The following ITGA9 variants were observed in gnomAD, a reference collection of about 807,000 sequenced individuals.
ITGA9 encodes the protein integrin subunit alpha 9.
In ITGA9, 56 loss-of-function variants were observed where a neutral mutation model predicts 127.8. The ratio of observed to expected loss-of-function variants is 0.44; its 90% CI spans 0.35 to 0.55. The LOEUF is 0.55. ITGA9 is among the 20% of genes least tolerant of loss of function. The probability of loss-of-function intolerance (pLI) is 0.00; values close to 1 mark genes in which losing one functional copy is unlikely to be tolerated. For synonymous variants in ITGA9, 508 were observed against 514.5 expected, an observed-to-expected ratio of 0.99 and a Z score of 0.17; for missense variants, 1,196 against 1,347.1, an observed-to-expected ratio of 0.89 and a Z score of 1.76.
intron 15 of ITGA9, among the ~76,000 whole-genome samples, chr3:37,604,160 G>C (rs1699946681): frequency 6.6e-6 from 1 of 152,202 alleles, no homozygotes; most frequent in South Asian, 2.1e-4. Context: ...GGCAGAGACA[G>C]GGAGAAGCTT....
chr3:37,462,950 C>T (rs144588580), intron 1 of ITGA9, among the ~76,000 whole-genome samples: 1 of 152,312 alleles, frequency 6.6e-6, no homozygotes, highest in East Asian at 1.9e-4. Context: ...ATAGCTGTAG[C>T]TGGCACACTC....
intron 1 of ITGA9, 117 bp from the exon 2 acceptor site, chr3:37,470,890 T>A: frequency 1.0e-6 from 1 of 995,552 alleles, no homozygotes; most frequent in East Asian, 2.5e-5. Flanking sequence ...AGTATAATAA[T>A]ATGATTTTCA....
chr3:37,577,434 TCCAAGC>T lies in ITGA9; in HGVS notation c.1689+34854_1689+34859del, dbSNP rs560340295. Among the ~76,000 whole-genome samples the T allele has an allele frequency of 3.6e-3, 554 of 152,366 alleles. 2 individuals carry two copies. The highest frequency in any genetic ancestry group is 0.013 in the African/African-American group (530 of 41,588). ...CTTCATAGCTGACATCAAATGGATC[TCCAAGC>T]CCAAACACTAACAGTGGAACCAGCT... On this transcript the variant is annotated intron_variant, in intron 15 of 27. Transcript: ENST00000264741.
intron 15 of ITGA9, among the ~76,000 whole-genome samples, chr3:37,619,372 G>A (rs568866345): frequency 2.9e-4 from 44 of 152,270 alleles, no homozygotes; most frequent in African/African-American, 9.9e-4. Context: ...ATCTGAGATG[G>A]GGATTTTTGC....
At chr3:37,538,054 T>C (rs1440412959) in intron 14 of ITGA9, among the ~76,000 whole-genome samples, 1 of 152,024 alleles carries the variant, frequency 6.6e-6, no homozygotes, top group Non-Finnish European at 1.5e-5. Flanking sequence ...TGCTTGTCAA[T>C]CTCTGGAGGC....
intron 27 of ITGA9, among the ~76,000 whole-genome samples, chr3:37,812,443 G>T: frequency 6.6e-6 from 1 of 152,206 alleles, no homozygotes; most frequent in African/African-American, 2.4e-5. Flanking sequence ...CCCTGCAGGG[G>T]GCTGGGGAGG....
chr3:37,797,573 A>G (rs1697188637), intron 26 of ITGA9, among the ~76,000 whole-genome samples: 1 of 152,202 alleles, frequency 6.6e-6, no homozygotes, highest in Non-Finnish European at 1.5e-5. Context: ...AAATGGTTTT[A>G]CTTGCCTTTA....
chr3:37,789,087 C>T (rs953162197), intron 26 of ITGA9, among the ~76,000 whole-genome samples: 4 of 152,104 alleles, frequency 2.6e-5, no homozygotes, highest in Admixed American at 2.6e-4. Context: ...TTATTTTCTC[C>T]TGTGTGCCTT....
At chr3:37,542,760 A>G (rs775870232) in intron 15 of ITGA9, among the ~76,000 whole-genome samples, 175 bp downstream of exon 15, 1 of 152,022 alleles carries the variant, frequency 6.6e-6, no homozygotes, top group Non-Finnish European at 1.5e-5. Context: ...CAGCCCTTTT[A>G]TTTATCTTAC....
chr3:37,562,705 A>G (rs1052016035), intron 15 of ITGA9, among the ~76,000 whole-genome samples: 3 of 152,142 alleles, frequency 2.0e-5, no homozygotes, highest in African/African-American at 4.8e-5. Context: ...TTTAAAAGTG[A>G]TGTTTATTCC....
chr3:37,527,573 ACTTT>A (rs1699105357), intron 13 of ITGA9, among the ~76,000 whole-genome samples: 1 of 152,062 alleles, frequency 6.6e-6, no homozygotes, highest in Non-Finnish European at 1.5e-5. Context: ...CTGGATTTTC[ACTTT>A]CTTTATCAGC....
At chr3:37,752,902 C>T (rs1370682288) in intron 23 of ITGA9, among the ~76,000 whole-genome samples, 1 of 152,198 alleles carries the variant, frequency 6.6e-6, no homozygotes, top group African/African-American at 2.4e-5. Context: ...AAACTCCCAG[C>T]CTTGGCTCGT....
intron 18 of ITGA9, among the ~76,000 whole-genome samples, chr3:37,698,795 A>G (rs1417098707): frequency 6.6e-6 from 1 of 152,238 alleles, no homozygotes; most frequent in African/African-American, 2.4e-5. Context: ...CCTCACCAGC[A>G]ATGTATAAGA....
In ITGA9 at chr3:37,820,758, G is replaced by A. The variant is rs758725465; in HGVS notation, c.*1769G>A. The A allele has an allele frequency of 1.4e-4, 21 of 152,174 alleles. No homozygotes were observed. The highest frequency in any genetic ancestry group is 9.2e-4 in the Admixed American group (14 of 15,278). The allele number at this position is 152,174 out of a possible 1,614,324, so 9.4% of individuals were successfully genotyped here. On this transcript the variant is annotated 3_prime_UTR_variant, in exon 28 of 28. Coordinates refer to ENST00000264741, the MANE Select transcript of ITGA9 (RefSeq NM_002207.3). ...AGCAGGGTCTAACGGAGTCTTAATG[G>A]CTTATTACAGCCTGCCAAAGTGCCA...
intron 5 of ITGA9, among the ~76,000 whole-genome samples, chr3:37,499,409 T>C (rs1559521200): frequency 6.6e-6 from 1 of 152,244 alleles, no homozygotes; most frequent in African/African-American, 2.4e-5. Flanking sequence ...CTCTAGGTGT[T>C]CTGCTAATAA....
intron 3 of ITGA9, 54 bp downstream of exon 3, chr3:37,473,514 G>C (rs1698459573): frequency 7.5e-7 from 1 of 1,326,734 alleles, no homozygotes; most frequent in African/African-American, 1.4e-5. Flanking sequence ...GAGAATGAAT[G>C]ATCTGTTAGG....
At chr3:37,512,953 AT>A (rs1404284954) in intron 8 of ITGA9, among the ~76,000 whole-genome samples, 1 of 152,216 alleles carries the variant, frequency 6.6e-6, no homozygotes, top group Non-Finnish European at 1.5e-5. Flanking sequence ...TTAAAAGTCA[AT>A]ATTATCTTGC....
intron 8 of ITGA9, among the ~76,000 whole-genome samples, chr3:37,512,061 TTTC>T (rs1698922277): frequency 1.4e-5 from 1 of 73,090 alleles, no homozygotes; most frequent in African/African-American, 4.7e-5. Flanking sequence ...TCTTTCTTTC[TTTC>T]TTTCTTTCTT....
chr3:37,815,738 T>A (rs751055970), intron 27 of ITGA9, among the ~76,000 whole-genome samples: 44 of 152,154 alleles, frequency 2.9e-4, no homozygotes, highest in Non-Finnish European at 5.7e-4. Flanking sequence ...TCTGTACCAG[T>A]TAACTTATGC....
Sources: allele counts gnomAD v4.1 joint callset (sites outside exome capture counted in the v4.1 genomes callset), GRCh38; gene constraint gnomAD v4.1.1; transcripts MANE v1.5; gene names NCBI Gene and HGNC (gene_info 2026-07-23, HGNC 2026-07-21).